Variants in VPS13B observed in about 807,000 individuals in gnomAD.
The protein encoded by VPS13B is intermembrane lipid transfer protein VPS13B.
VPS13B carries 285 observed loss-of-function variants against 426.4 expected under a neutral mutation model. The observed-to-expected ratio is 0.67, with a 90% CI of 0.61 to 0.74. The LOEUF is 0.74. VPS13B is among the 30% of genes least tolerant of loss of function. VPS13B has a pLI of 0.00. For synonymous variants in VPS13B, 1,676 were observed against 1,676.4 expected (o/e 1.00, Z 0.01); for missense variants, 4,537 against 4,782.6 (o/e 0.95, Z 1.51).
chr8:99,040,844 C>G (rs1181230693), intron 3 of VPS13B, among the ~76,000 whole-genome samples: 1 of 152,020 alleles, frequency 6.6e-6, no homozygotes, highest in African/African-American at 2.4e-5. Context: ...GAATATGAGG[C>G]TTAAATCAGA....
intron 30 of VPS13B, among the ~76,000 whole-genome samples, chr8:99,554,857 A>T (rs1263580131): frequency 1.3e-5 from 2 of 152,090 alleles, no homozygotes; most frequent in Non-Finnish European, 2.9e-5. Context: ...CCTTAAGGCA[A>T]ATTGAAAGGA....
At chr8:99,661,126 C>G (rs1320328102) in intron 34 of VPS13B, among the ~76,000 whole-genome samples, 1 of 151,832 alleles carries the variant, frequency 6.6e-6, no homozygotes, top group Admixed American at 6.6e-5. Flanking sequence ...ACATTTTTTT[C>G]CTCTTTGTTC....
chr8:99,148,148 C>A, intron 14 of VPS13B, 138 bp downstream of exon 14: 2 of 914,270 alleles, frequency 2.2e-6, no homozygotes, highest in Non-Finnish European at 3.3e-6. Context: ...GAGGCTGGGG[C>A]AGGATGCACA....
At chr8:99,796,014 C>G (rs1812793268) in intron 43 of VPS13B, among the ~76,000 whole-genome samples, 1 of 152,044 alleles carries the variant, frequency 6.6e-6, no homozygotes, top group Non-Finnish European at 1.5e-5. Flanking sequence ...GCAAAAGGAT[C>G]AGTAGCAGAA....
rs763728692 is a variant in VPS13B, at chr8:99,360,240, CTCCTTCCTTCCTTCCT to C, written c.2825-23941_2825-23926del. Among the ~76,000 whole-genome samples the C allele has an allele frequency of 5.7e-4, 44 of 76,850 alleles. 2 individuals are homozygous for C. Among genetic ancestry groups the C allele is most frequent in the African/African-American group, 2.4e-3 (41 of 16,800 alleles). 50.4% of individuals were successfully genotyped at this position (76,850 alleles called of 152,430 possible). On this transcript the variant is annotated intron_variant, in intron 19 of 61. Coordinates refer to ENST00000357162, the MANE Select transcript of VPS13B (RefSeq NM_152564.5). Reference sequence around the variant, plus strand: ...TTTCTTTCTTTCTTTCTTTCTCTCTCTCCTTCCTTCCTTCCTTCCTTCCTTCCTTCCTTCCTTCCTT... The same window carrying C: ...TTTCTTTCTTTCTTTCTTTCTCTCTCTCCTTCCTTCCTTCCTTCCTTCCTT...
rs111430964 is a variant in VPS13B at position 99,029,619 on chromosome 8, A to C, written c.148-8804A>C. Among the ~76,000 whole-genome samples the C allele has an allele frequency of 1.1e-4, 17 of 152,202 alleles. No individual in the cohort carries two copies. In the South Asian group the frequency reaches 3.3e-3, roughly 30 times the overall value. On this transcript the variant is annotated intron_variant, in intron 2 of 61. Transcript: ENST00000357162. ...AAACCCTGTCTCCACCAAAAAAAAA[A>C]ACGAAAACCAGTCAGGTGTGGCGGC...
In VPS13B at chr8:99,121,353, G is replaced by C. The variant is rs1267582816; in HGVS notation, c.1114G>C (p.Ala372Pro). ...GGAAGACTTTGTTGGGAACGATCCT[G>C]CATCAACCATGCATCAACAAAAAGC... ...GEEDFVGNDP[A>P]STMHQQKAQT... Residue 372 changes from alanine to proline, a missense_variant, in exon 8 of 62, where the codon GCA (alanine) becomes CCA (proline). Ala to Pro is a conservative substitution (Grantham distance 27). Around this residue, in one of 2 missense-constraint regions of VPS13B, gnomAD observed 4,311 missense variants for 4,474.3 expected, o/e 0.96. Transcript: ENST00000357162. 6.2e-7 allele frequency: 1 copy of C among 1,614,038 alleles called. No homozygotes were observed. Among genetic ancestry groups the C allele is most frequent in the African/African-American group, 1.3e-5 (1 of 74,906 alleles).
At chr8:99,286,260 C>A (rs1391022360) in intron 19 of VPS13B, among the ~76,000 whole-genome samples, 1 of 152,168 alleles carries the variant, frequency 6.6e-6, no homozygotes, top group Non-Finnish European at 1.5e-5. Flanking sequence ...TTCGCAGGTA[C>A]ATATTTCATT....
rs1439223425 is a variant in VPS13B, at chr8:99,699,725, C to T, written c.6247C>T (p.Pro2083Ser). Residue 2083 changes from proline to serine, a missense_variant, in exon 36 of 62, where the codon CCC becomes TCC. Physicochemically the swap from Pro to Ser is moderately conservative, Grantham distance 74 (BLOSUM62 -1). Transcript: ENST00000357162. The stretch of plus-strand genomic sequence containing the variant: ...ATATTACCGTGGAAAGTTGTCTAAA[C>T]CCAAAATTCATGGTGATGGAGTGCA... ...SKYYRGKLSK[P>S]KIHGDGVQKI... 2.5e-6 allele frequency: 4 copies of T among 1,613,950 alleles called. No homozygotes were observed. The South Asian group carries it at 3.3e-5, about 13-fold the overall frequency.
chr8:99,237,446 G>A (rs920899592), intron 17 of VPS13B, among the ~76,000 whole-genome samples: 4 of 152,026 alleles, frequency 2.6e-5, no homozygotes, highest in Non-Finnish European at 4.4e-5. Flanking sequence ...TCAAAATGTT[G>A]GGGTAAGCAA....
rs1309105481 is a variant in VPS13B, at chr8:99,391,723, A to G, written c.3082+19A>G. ...GTAACAGGTATGTGTCAAGTACTGT[A>G]AAGGGACTATGATTGTACTCTACTT... On this transcript the variant is annotated intron_variant, in intron 21 of 61. Transcript: ENST00000357162. The G allele has an allele frequency of 6.2e-7, 1 of 1,613,162 alleles. No homozygotes were observed. Among genetic ancestry groups the G allele is most frequent in the Admixed American group, 1.7e-5 (1 of 59,858 alleles).
At chr8:99,022,141 ATTTC>A in intron 2 of VPS13B, among the ~76,000 whole-genome samples, 1 of 149,694 alleles carries the variant, frequency 6.7e-6, no homozygotes, top group Admixed American at 6.6e-5. Context: ...TATTTTTATA[ATTTC>A]TTTCACTTTT....
At chr8:99,106,137 A>G (rs1847030600) in intron 5 of VPS13B, among the ~76,000 whole-genome samples, 1 of 152,136 alleles carries the variant, frequency 6.6e-6, no homozygotes, top group Non-Finnish European at 1.5e-5. Context: ...GCATTAAGCA[A>G]AAACACATAG....
intron 19 of VPS13B, among the ~76,000 whole-genome samples, chr8:99,312,705 A>G (rs1035652171): frequency 3.9e-5 from 6 of 152,050 alleles, no homozygotes; most frequent in African/African-American, 1.4e-4. Flanking sequence ...CCTGAATTTG[A>G]ATGTTGGCCT....
At chr8:99,875,036 A>ATGT (rs1817626308) in intron 61 of VPS13B, 1 of 312,034 alleles carries the variant, frequency 3.2e-6, no homozygotes, top group African/African-American at 2.2e-5. Context: ...GCTGAGTTTA[A>ATGT]TGTTGAATAG....
intron 33 of VPS13B, among the ~76,000 whole-genome samples, chr8:99,641,207 A>G: frequency 6.6e-6 from 1 of 152,150 alleles, no homozygotes; most frequent in East Asian, 1.9e-4. Context: ...TTTATCACTT[A>G]TATTTGTCCT....
intron 9 of VPS13B, 59 bp from the exon 10 acceptor site, chr8:99,134,956 G>A: frequency 1.3e-6 from 2 of 1,592,478 alleles, no homozygotes; most frequent in Non-Finnish European, 1.7e-6. Context: ...TACAAGGAAA[G>A]CCTCTAACAT....
intron 31 of VPS13B, among the ~76,000 whole-genome samples, chr8:99,569,149 G>A: frequency 6.6e-6 from 1 of 152,012 alleles, no homozygotes; most frequent in Non-Finnish European, 1.5e-5. Flanking sequence ...AGTATCTTCT[G>A]CTCTAGCATC....
intron 23 of VPS13B, among the ~76,000 whole-genome samples, chr8:99,449,890 T>C (rs1028568820): frequency 6.6e-6 from 1 of 152,094 alleles, no homozygotes; most frequent in Admixed American, 6.5e-5. Context: ...CTGCAACTTC[T>C]GCCTCTTGGG....
Sources: gnomAD v4.1 joint callset for allele counts (sites outside exome capture counted in the v4.1 genomes callset) on GRCh38, gnomAD v4.1.1 for gene constraint, gnomAD v4.1.1 regional missense constraint, MANE v1.5 for transcripts, NCBI Gene and HGNC (gene_info 2026-07-23, HGNC 2026-07-21) for gene names.